The following EHBP1 variants were observed in gnomAD, a reference collection of about 807,000 sequenced individuals.
EHBP1 encodes EH domain binding protein 1, also known as EH domain-binding protein 1.
Under a neutral mutation model 144.0 loss-of-function variants are expected in EHBP1, and 55 were observed. The ratio of observed to expected loss-of-function variants is 0.38; its 90% confidence interval spans 0.31 to 0.48. The LOEUF (loss-of-function observed/expected upper bound fraction) is 0.48. Among genes scored for constraint, EHBP1 ranks in the 20% least tolerant of loss-of-function variants. The probability of loss-of-function intolerance (pLI) is 0.98; values close to 1 mark genes in which losing one functional copy is unlikely to be tolerated. For missense variants in EHBP1, 1,200 were observed against 1,364.2 expected (o/e 0.88, Z 1.90); for synonymous variants, 469 against 472.7 (o/e 0.99, Z 0.10).
At chr2:62,720,052 A>G (rs1196201027) in intron 2 of EHBP1, among the ~76,000 whole-genome samples, 1 of 152,236 alleles carries the variant, frequency 6.6e-6, no homozygotes, top group African/African-American at 2.4e-5. Context: ...CTAGGGAGGC[A>G]GTGTCCAATC....
intron 19 of EHBP1, among the ~76,000 whole-genome samples, chr2:63,006,910 C>T (rs72811590): frequency 6.6e-6 from 1 of 151,894 alleles, no homozygotes; most frequent in Non-Finnish European, 1.5e-5. Flanking sequence ...AACTACTCAT[C>T]ATCATCCTAG....
At position 62,987,864 on chromosome 2, in the gene EHBP1, T is replaced by C; in HGVS notation, c.2609-2852T>C. ...TACTAAAATACTGGTTTTTCTTCTT[T>C]AGTGTTTTGGATGAATGATATAAAA... On this transcript the variant is annotated intron_variant, in intron 15 of 22. Transcript: ENST00000431489. 5.8e-6 allele frequency: 5 copies of C among 861,220 alleles called. No homozygotes were observed. In the South Asian group the frequency reaches 9.7e-5, roughly 17 times the overall value. 53.3% of individuals were successfully genotyped at this position (861,220 alleles called of 1,614,324 possible). A position where few individuals can be genotyped will look rare whatever the true frequency, so the allele number is the denominator to read the frequency against.
rs1419452601 is a variant in EHBP1 at position 62,838,805 on chromosome 2, T to A, written c.634+7647T>A. ...GACTAAACCAGGAAGAAGTTGAATCTCTGAATAGACCAATAACAGGAGCTG... is the reference window on the plus strand; with the variant it reads ...GACTAAACCAGGAAGAAGTTGAATCACTGAATAGACCAATAACAGGAGCTG... On this transcript the variant is annotated intron_variant, in intron 7 of 22. Transcript: ENST00000431489. 1.8e-3 allele frequency among the ~76,000 whole-genome samples: 268 copies of A among 145,568 alleles called. 1 individual carries two copies. Among genetic ancestry groups the A allele is most frequent in the African/African-American group, 6.5e-3 (254 of 39,194 alleles).
chr2:62,769,304 G>A (rs2041445473), intron 4 of EHBP1, among the ~76,000 whole-genome samples: 1 of 152,126 alleles, frequency 6.6e-6, no homozygotes, highest in Non-Finnish European at 1.5e-5. Flanking sequence ...AATAACTTCA[G>A]CAAAGTTTTA....
chr2:62,729,580 TATA>T (rs1448159455), intron 2 of EHBP1, among the ~76,000 whole-genome samples: 85 of 123,914 alleles, frequency 6.9e-4, no homozygotes, highest in South Asian at 1.6e-3. Context: ...AATAAATAAA[TATA>T]ATAATAATAT....
chr2:62,977,057 T>A (rs936294876), intron 14 of EHBP1, among the ~76,000 whole-genome samples: 3 of 152,074 alleles, frequency 2.0e-5, no homozygotes, highest in Non-Finnish European at 2.9e-5. Context: ...TTCCTTGGAC[T>A]CTTATAAGAG....
intron 14 of EHBP1, among the ~76,000 whole-genome samples, chr2:62,956,688 G>GAAAAA (rs552448173): frequency 1.9e-5 from 2 of 107,508 alleles, no homozygotes; most frequent in Admixed American, 9.7e-5. Context: ...TCTACTTACA[G>GAAAAA]AAAAAAAAAA....
At chr2:63,005,626 C>T (rs1266104520) in intron 19 of EHBP1, among the ~76,000 whole-genome samples, 1 of 151,938 alleles carries the variant, frequency 6.6e-6, no homozygotes, top group Non-Finnish European at 1.5e-5. Flanking sequence ...ATTAACAAAG[C>T]CTATTTTCAG....
chr2:62,920,140 C>T (rs1468694314), intron 10 of EHBP1, among the ~76,000 whole-genome samples: 1 of 152,050 alleles, frequency 6.6e-6, no homozygotes, highest in Non-Finnish European at 1.5e-5. Context: ...TAACAAGTTC[C>T]AAGTAGGATG....
chr2:62,900,170 A>G (rs1036549863), intron 10 of EHBP1, among the ~76,000 whole-genome samples: 1 of 152,220 alleles, frequency 6.6e-6, no homozygotes, highest in Admixed American at 6.5e-5. Flanking sequence ...CACAGATATC[A>G]TGGTCTCATT....
At position 62,839,271 on chromosome 2, in the gene EHBP1, G is replaced by C. The variant is rs868819334; in HGVS notation, c.634+8113G>C. Among the ~76,000 whole-genome samples, 122 of 151,948 alleles carry C rather than the reference G, an allele frequency of 8.0e-4. 1 individual carries two copies. In the Middle Eastern group the frequency reaches 0.01, roughly 13 times the overall value. On this transcript the variant is annotated intron_variant, in intron 7 of 22. Transcript: ENST00000431489. ...GATTATCTCAATAGATGCGGAAAAA[G>C]CCTTTGACAAAATTCAACAACCCTT...
intron 2 of EHBP1, among the ~76,000 whole-genome samples, chr2:62,729,416 A>AT (rs1394359965): frequency 1.8e-5 from 2 of 110,676 alleles, no homozygotes; most frequent in African/African-American, 7.1e-5. Context: ...ATATAATAAT[A>AT]ATAATATAAT....
chr2:62,724,166 G>T (rs1180041446), intron 2 of EHBP1, among the ~76,000 whole-genome samples: 1 of 152,096 alleles, frequency 6.6e-6, no homozygotes, highest in Non-Finnish European at 1.5e-5. Flanking sequence ...GGTTTTATTT[G>T]TTCCTTTTCA....
intron 19 of EHBP1, among the ~76,000 whole-genome samples, chr2:63,024,093 C>T (rs1438418464): frequency 3.3e-5 from 5 of 152,142 alleles, no homozygotes; most frequent in African/African-American, 1.2e-4. Flanking sequence ...CACCTGTAAT[C>T]CCAACACTTT....
chr2:62,879,576 CACACACACACACACA>C (rs1157172278), intron 10 of EHBP1, among the ~76,000 whole-genome samples: 2 of 151,134 alleles, frequency 1.3e-5, no homozygotes, highest in Non-Finnish European at 3.0e-5. Context: ...CACACACACA[CACACACACACACACA>C]GAGACAGAGA....
At chr2:62,912,669 AGT>A (rs1208361669) in intron 10 of EHBP1, among the ~76,000 whole-genome samples, 1 of 152,182 alleles carries the variant, frequency 6.6e-6, no homozygotes, top group African/African-American at 2.4e-5. Context: ...TAAATGTTAA[AGT>A]GTATTTAAAT....
At chr2:63,013,595 A>G (rs868401142) in intron 19 of EHBP1, among the ~76,000 whole-genome samples, 9 of 152,184 alleles carry the variant, frequency 5.9e-5, no homozygotes, top group South Asian at 2.1e-4. Flanking sequence ...TAGGCAAACT[A>G]TACATCTCCA....
chr2:62,725,950 C>T (rs753463594), intron 2 of EHBP1, among the ~76,000 whole-genome samples: 7 of 152,000 alleles, frequency 4.6e-5, no homozygotes, highest in Admixed American at 2.0e-4. Context: ...GCCCCTAGGG[C>T]GCTCAAGGCT....
chr2:63,026,324 G>GTGTGTC (rs1553517824), intron 19 of EHBP1, among the ~76,000 whole-genome samples: 1 of 151,338 alleles, frequency 6.6e-6, no homozygotes, highest in Admixed American at 6.6e-5. Context: ...GTGTGTGTGT[G>GTGTGTC]TGTGTGTGTG....
Sources: allele counts gnomAD v4.1 joint callset (sites outside exome capture counted in the v4.1 genomes callset), GRCh38; gene constraint gnomAD v4.1.1; transcripts MANE v1.5; gene names NCBI Gene and HGNC (gene_info 2026-07-23, HGNC 2026-07-21).